Variants in EDRF1 observed in about 807,000 individuals in gnomAD.
The protein encoded by EDRF1 is erythroid differentiation regulatory factor 1, also known as erythroid differentiation-related factor 1.
In EDRF1, 69 loss-of-function variants were observed where a neutral mutation model predicts 148.7. The ratio of observed to expected loss-of-function variants is 0.46; its 90% confidence interval spans 0.38 to 0.57. The LOEUF (loss-of-function observed/expected upper bound fraction) is 0.57, where lower values mean the gene tolerates loss of function less well. EDRF1 is among the 20% of genes least tolerant of loss of function. The probability of loss-of-function intolerance (pLI) is 0.00; values close to 1 mark genes in which losing one functional copy is unlikely to be tolerated. For synonymous variants in EDRF1, 515 were observed against 532.8 expected (o/e 0.97, Z 0.46); for missense variants, 1,118 against 1,478.7 (o/e 0.76, Z 4.00).
At chr10:125,738,222 G>A in intron 14 of EDRF1, 73 bp from the exon 15 acceptor site, 3 of 1,574,946 alleles carry the variant, frequency 1.9e-6, no homozygotes, top group Non-Finnish European at 2.6e-6. Context: ...CAGTAGTCCA[G>A]ATACTGTCTT....
intron 2 of EDRF1, among the ~76,000 whole-genome samples, chr10:125,722,000 C>T (rs74734306): frequency 0.014 from 2,167 of 152,264 alleles, 64 homozygotes; most frequent in African/African-American, 0.049. Flanking sequence ...TTCTCAGCAA[C>T]TCAATCTAAA....
intron 24 of EDRF1, among the ~76,000 whole-genome samples, chr10:125,758,014 G>A (rs1056042787): frequency 3.3e-5 from 5 of 152,048 alleles, no homozygotes; most frequent in Admixed American, 2.0e-4. Flanking sequence ...TGGATATTCC[G>A]TTCTGGTTTT....
intron 9 of EDRF1, among the ~76,000 whole-genome samples, chr10:125,732,111 A>T (rs1184365243): frequency 6.6e-6 from 1 of 152,222 alleles, no homozygotes; most frequent in Admixed American, 6.5e-5. Flanking sequence ...TAGTATCAGT[A>T]GGATGTGTAC....
chr10:125,736,219 G>C (rs1422944572), intron 13 of EDRF1, among the ~76,000 whole-genome samples: 2 of 152,136 alleles, frequency 1.3e-5, no homozygotes, highest in East Asian at 3.9e-4. Flanking sequence ...TCCGGTGTTG[G>C]GGTTGCTGGG....
chr10:125,727,524 G>A (rs1848313711), intron 6 of EDRF1, among the ~76,000 whole-genome samples: 1 of 152,154 alleles, frequency 6.6e-6, no homozygotes, highest in African/African-American at 2.4e-5. Context: ...CAACTGCCTG[G>A]CAAACTGTTT....
At chr10:125,744,645 T>C (rs1419021805) in intron 18 of EDRF1, 3 of 152,342 alleles carry the variant, frequency 2.0e-5, no homozygotes, top group Non-Finnish European at 4.4e-5. Context: ...CTAGGGAAAT[T>C]GGATACAACA....
At position 125,719,753 on chromosome 10, in the gene EDRF1, T is replaced by G; in HGVS notation, c.-55T>G. 1 of 1,458,638 alleles carries G rather than the reference T, an allele frequency of 6.9e-7. No homozygotes were observed. Among genetic ancestry groups the G allele is most frequent in the Non-Finnish European group, 9.4e-7 (1 of 1,062,156 alleles). 90.4% of individuals were successfully genotyped at this position (1,458,638 alleles called of 1,614,324 possible). The stretch of plus-strand genomic sequence containing the variant: ...GCGCTTACCCTGCTTTGGGCCTGCG[T>G]TGCTGCTGCTGCTCCTCCGCTCCCC... On this transcript the variant is annotated 5_prime_UTR_variant, in exon 1 of 25. Transcript: ENST00000356792.
At chr10:125,742,464 G>C in intron 17 of EDRF1, 2 of 1,033,380 alleles carry the variant, frequency 1.9e-6, no homozygotes, top group Non-Finnish European at 2.3e-6. Flanking sequence ...AGTATACTGG[G>C]GGAGAGGGAA....
rs1358485267 is a variant in EDRF1 at position 125,740,359 on chromosome 10, C to T, written c.1982-104C>T. 5 of 1,177,374 alleles carry T rather than the reference C, an allele frequency of 4.2e-6. No homozygotes were observed. The African/African-American group carries it at 7.6e-5, about 18-fold the overall frequency. 72.9% of individuals were successfully genotyped at this position (1,177,374 alleles called of 1,614,324 possible). A position where few individuals can be genotyped will look rare whatever the true frequency, so the allele number is the denominator to read the frequency against. ...AGCATAGTATTTACCAGTCTTGTCA[C>T]CTAAGTCTAGAGTGTTTCCATCAAG... On this transcript the variant is annotated intron_variant, in intron 15 of 24. Coordinates refer to ENST00000356792, the MANE Select transcript of EDRF1 (RefSeq NM_001202438.2).
intron 24 of EDRF1, among the ~76,000 whole-genome samples, chr10:125,755,153 T>C (rs915253801): frequency 6.6e-6 from 1 of 152,254 alleles, no homozygotes; most frequent in African/African-American, 2.4e-5. Flanking sequence ...TAGAGGCCTT[T>C]ATCAAGTTGA....
In EDRF1 at chr10:125,729,103, A is replaced by T. The variant is rs894845263; in HGVS notation, c.893A>T (p.Gln298Leu). The stretch of plus-strand genomic sequence containing the variant: ...TTATTCAATGACGGGGAGCACAGTC[A>T]GGTATGCTTTCCATGGTGTCCAAGG... Reference protein sequence around the residue: ...ITLFNDGEHSQGLKNDFVRNI... With the variant: ...ITLFNDGEHSLGLKNDFVRNI... Residue 298 changes from glutamine to leucine, a missense_variant and splice_region_variant, in exon 7 of 25, where the codon CAG (glutamine) becomes CTG (leucine). By Grantham distance (113) the Gln-to-Leu change is moderately radical. Around this residue, in one of 3 missense-constraint regions of EDRF1, gnomAD observed 954 missense variants for 1,241.4 expected, o/e 0.77. Transcript: ENST00000356792. 4 of 1,561,932 alleles carry T rather than the reference A, an allele frequency of 2.6e-6. No individual in the cohort carries two copies. The African/African-American group carries it at 4.0e-5, about 16-fold the overall frequency.
chr10:125,721,873 AC>A (rs1264534366), intron 2 of EDRF1, among the ~76,000 whole-genome samples: 1 of 152,228 alleles, frequency 6.6e-6, no homozygotes, highest in African/African-American at 2.4e-5. Context: ...TGACTTTGAC[AC>A]CAGAACTGAT....
At chr10:125,741,253 C>A in intron 17 of EDRF1, 52 bp downstream of exon 17, 2 of 1,487,942 alleles carry the variant, frequency 1.3e-6, no homozygotes, top group Non-Finnish European at 1.9e-6. Context: ...TGCAGTCTAG[C>A]TCATGCTTAT....
chr10:125,741,321 T>C, intron 17 of EDRF1, 120 bp downstream of exon 17: 1 of 1,012,634 alleles, frequency 9.9e-7, no homozygotes, highest in South Asian at 1.4e-5. Flanking sequence ...TCTGTATTTA[T>C]TTATTTATTT....
chr10:125,738,358 A>G lies in EDRF1; in HGVS notation c.1894A>G (p.Thr632Ala). 3 of 1,614,106 alleles carry G rather than the reference A, an allele frequency of 1.9e-6. No individual in the cohort carries two copies. The highest frequency in any genetic ancestry group is 1.7e-6 in the Non-Finnish European group (2 of 1,180,028). ...CGACCTTCCAGCAGCTGACCCCAGCACTCCAATCCCGTTAAAATATGAAGA... is the reference window on the plus strand; with the variant it reads ...CGACCTTCCAGCAGCTGACCCCAGCGCTCCAATCCCGTTAAAATATGAAGA... ...ESDLPAADPSTPIPLKYEDES... is the reference protein window; with the variant it reads ...ESDLPAADPSAPIPLKYEDES... The change falls in exon 15 of 25, where the codon ACT becomes GCT. Residue 632 changes from threonine to alanine, a missense_variant. Coordinates refer to ENST00000356792, the MANE Select transcript of EDRF1 (RefSeq NM_001202438.2).
rs1002343432 is a variant in EDRF1, at chr10:125,763,076, A to G, written c.3546-225A>G. Among the ~76,000 whole-genome samples the G allele has an allele frequency of 2.0e-5, 3 of 152,178 alleles. No homozygotes were observed. Among genetic ancestry groups the G allele is most frequent in the Non-Finnish European group, 4.4e-5 (3 of 68,038 alleles). ...ACATAATAGGCATTCAAATATTTAT[A>G]AAAGGAATGAGTACTGGATTTCATT... On this transcript the variant is annotated intron_variant, in intron 24 of 24. Coordinates refer to ENST00000356792, the MANE Select transcript of EDRF1 (RefSeq NM_001202438.2). This position sits in a 1 kb window ranked among gnomAD's most constrained non-coding sequence, Gnocchi z 4.3.
chr10:125,734,807 A>G (rs1211141682), intron 12 of EDRF1, among the ~76,000 whole-genome samples: 1 of 152,152 alleles, frequency 6.6e-6, no homozygotes, highest in East Asian at 1.9e-4. Flanking sequence ...TCTGATTGAC[A>G]ACTTTATTTT....
intron 6 of EDRF1, 176 bp downstream of exon 6, chr10:125,726,014 C>T (rs1055457502): frequency 1.9e-5 from 15 of 779,284 alleles, no homozygotes; most frequent in Non-Finnish European, 2.8e-5. Context: ...TTTAGTTTTT[C>T]GCAATAGAAT....
At chr10:125,736,746 C>G (rs1339173438) in intron 13 of EDRF1, among the ~76,000 whole-genome samples, 1 of 151,722 alleles carries the variant, frequency 6.6e-6, no homozygotes. Flanking sequence ...ATTGGAGGGT[C>G]TTTGTATTTG....
Sources: gnomAD v4.1 joint callset for allele counts (sites outside exome capture counted in the v4.1 genomes callset) on GRCh38, gnomAD v4.1.1 for gene constraint, gnomAD v4.1.1 regional missense constraint, Gnocchi (gnomAD v3.1) non-coding constraint, MANE v1.5 for transcripts, NCBI Gene and HGNC (gene_info 2026-07-23, HGNC 2026-07-21) for gene names.